SCAPER: variants seen among roughly 807,000 people sequenced by gnomAD.
SCAPER encodes S-phase cyclin A associated protein in the ER.
SCAPER carries 98 observed loss-of-function variants against 182.2 expected under a neutral mutation model. The observed-to-expected ratio is 0.54, with a 90% CI of 0.46 to 0.64. The LOEUF is 0.64. SCAPER is among the 30% of genes least tolerant of loss of function. The pLI is 0.00. For synonymous variants in SCAPER, 605 were observed against 564.6 expected (o/e 1.07, Z -1.01); for missense variants, 1,432 against 1,690.0 (o/e 0.85, Z 2.68).
chr15:76,856,822 T>C (rs966106483), intron 4 of SCAPER, among the ~76,000 whole-genome samples: 2 of 152,142 alleles, frequency 1.3e-5, no homozygotes, highest in Admixed American at 6.6e-5. Flanking sequence ...TGAGCTCTGA[T>C]TGTACCACCG....
intron 21 of SCAPER, among the ~76,000 whole-genome samples, chr15:76,664,233 C>G (rs1396520094): frequency 6.6e-6 from 1 of 152,144 alleles, no homozygotes; most frequent in African/African-American, 2.4e-5. Flanking sequence ...AGAAACAAGA[C>G]TAGTCAGAAG....
chr15:76,509,384 T>C (rs1289496919), intron 23 of SCAPER, among the ~76,000 whole-genome samples: 2 of 152,204 alleles, frequency 1.3e-5, no homozygotes, highest in Non-Finnish European at 2.9e-5. Flanking sequence ...TCTAGTTAGG[T>C]TCTCATGGTA....
chr15:76,620,811 C>A (rs961775561), intron 22 of SCAPER, among the ~76,000 whole-genome samples: 1 of 151,846 alleles, frequency 6.6e-6, no homozygotes, highest in Non-Finnish European at 1.5e-5. Flanking sequence ...AAGGAGAACA[C>A]ATAAACTTAG....
chr15:76,726,155 A>ATATATATATATATATATATATATATAT lies in SCAPER; in HGVS notation c.2165+2439_2165+2440insATATATATATATATATATATATATATA, dbSNP rs1491513286. On this transcript the variant is annotated intron_variant, in intron 17 of 31. Transcript: ENST00000563290. ...TATATATATATATATATATATATAT[A>ATATATATATATATATATATATATATAT]AAAAACTCTATAACCCAACAAGAAA... is the stretch of plus-strand genomic sequence containing the variant. 1.3e-4 allele frequency among the ~76,000 whole-genome samples: 13 copies of ATATATATATATATATATATATATATAT among 97,334 alleles called. 3 individuals are homozygous for ATATATATATATATATATATATATATAT. The highest frequency in any genetic ancestry group is 3.6e-4 in the Admixed American group (3 of 8,318). The allele number at this position is 97,334 out of a possible 152,430, so 63.9% of individuals were successfully genotyped here. A position where few individuals can be genotyped will look rare whatever the true frequency, so the allele number is the denominator to read the frequency against.
At chr15:76,541,407 T>C (rs1248476111) in intron 23 of SCAPER, among the ~76,000 whole-genome samples, 2 of 152,302 alleles carry the variant, frequency 1.3e-5, no homozygotes, top group South Asian at 4.1e-4. Flanking sequence ...GAGACTTGTA[T>C]GGATTTGCTT....
At chr15:76,747,042 T>C (rs1471286929) in intron 15 of SCAPER, among the ~76,000 whole-genome samples, 1 of 152,172 alleles carries the variant, frequency 6.6e-6, no homozygotes, top group African/African-American at 2.4e-5. Context: ...GTACACTACA[T>C]TGGTACATCA....
intron 5 of SCAPER, among the ~76,000 whole-genome samples, chr15:76,826,904 T>C (rs1363764119): frequency 6.6e-6 from 1 of 152,226 alleles, no homozygotes; most frequent in Non-Finnish European, 1.5e-5. Context: ...TAAGATAAAA[T>C]GGCTAGATTA....
chr15:76,876,254 G>T (rs1181600386), intron 2 of SCAPER, among the ~76,000 whole-genome samples: 4 of 152,062 alleles, frequency 2.6e-5, no homozygotes, highest in African/African-American at 9.7e-5. Context: ...CCCAGAGAGG[G>T]GCCCCCACAG....
intron 1 of SCAPER, among the ~76,000 whole-genome samples, chr15:76,890,821 G>GCATCATCCTGATACCAGCAGGATGAT (rs2074122731): frequency 1.3e-5 from 2 of 152,236 alleles, no homozygotes; most frequent in Admixed American, 1.3e-4. Flanking sequence ...CATTTTATGA[G>GCATCATCCTGATACCAGCAGGATGAT]GCCAGCATCA....
At chr15:76,865,382 T>G (rs913494935) in intron 2 of SCAPER, among the ~76,000 whole-genome samples, 6 of 152,044 alleles carry the variant, frequency 3.9e-5, no homozygotes, top group Non-Finnish European at 7.4e-5. Flanking sequence ...TATAATAAAC[T>G]CTAATAAATT....
chr15:76,848,666 G>A (rs940430007), intron 4 of SCAPER, among the ~76,000 whole-genome samples: 5 of 152,050 alleles, frequency 3.3e-5, no homozygotes, highest in South Asian at 2.1e-4. Flanking sequence ...TGAGATAATC[G>A]TTTATTATAT....
Position 76,665,780 on chromosome 15 carries a change from A to G in SCAPER, c.2518T>C (p.Ser840Pro). The G allele has an allele frequency of 6.6e-7, 1 of 1,518,760 alleles. No homozygotes were observed. Among genetic ancestry groups the G allele is most frequent in the South Asian group, 1.3e-5 (1 of 76,134 alleles). The allele number at this position is 1,518,760 out of a possible 1,614,324, so 94.1% of individuals were successfully genotyped here. ...ATGTCAATAATGTACTTCTTCAAGG[A>G]AAGATGCTCCTGCAAGATAAATAAA... ...ELSDEEVEHL[S>P]LKKYIIDIVV... is the part of the protein sequence containing the mutation. Residue 840 changes from serine (S) to proline (P), a missense_variant, in exon 21 of 32, where the codon TCC (serine) becomes CCC (proline). Coordinates refer to ENST00000563290, the MANE Select transcript of SCAPER (RefSeq NM_020843.4).
At chr15:76,424,942 G>C (rs949640856) in intron 26 of SCAPER, among the ~76,000 whole-genome samples, 3 of 152,082 alleles carry the variant, frequency 2.0e-5, no homozygotes, top group Non-Finnish European at 4.4e-5. Context: ...GTTGAATATT[G>C]GCCCCCATTC....
intron 8 of SCAPER, among the ~76,000 whole-genome samples, chr15:76,792,652 C>T (rs773763672): frequency 3.3e-5 from 5 of 152,192 alleles, no homozygotes; most frequent in Non-Finnish European, 7.3e-5. Context: ...GGAAATATCA[C>T]TGAATAATGA....
intron 5 of SCAPER, among the ~76,000 whole-genome samples, chr15:76,815,865 C>T (rs951334901): frequency 6.6e-6 from 1 of 152,240 alleles, no homozygotes; most frequent in Admixed American, 6.5e-5. Context: ...GTCCCTGGTG[C>T]CAAAAAGGTT....
At chr15:76,579,827 A>G (rs1024275772) in intron 22 of SCAPER, among the ~76,000 whole-genome samples, 2 of 152,184 alleles carry the variant, frequency 1.3e-5, no homozygotes, top group African/African-American at 4.8e-5. Flanking sequence ...GGGATGGAAA[A>G]AGATATTACA....
intron 1 of SCAPER, among the ~76,000 whole-genome samples, chr15:76,886,660 C>T (rs1026822239): frequency 2.6e-5 from 4 of 152,116 alleles, no homozygotes; most frequent in South Asian, 2.1e-4. Context: ...GGTATATACC[C>T]AAGGGAACAT....
Position 76,661,543 on chromosome 15 carries a change from G to C in SCAPER, c.2645+4110C>G, listed in dbSNP as rs183713976. On this transcript the variant is annotated intron_variant, in intron 21 of 31. Coordinates refer to ENST00000563290, the MANE Select transcript of SCAPER (RefSeq NM_020843.4). ...GGACATGAACAGACACTTCTCAAAAGAAGATATTTATGCGGCCAGCAAACA... is the reference window on the plus strand; with the variant it reads ...GGACATGAACAGACACTTCTCAAAACAAGATATTTATGCGGCCAGCAAACA... Among the ~76,000 whole-genome samples the C allele has an allele frequency of 4.5e-4, 69 of 152,180 alleles. No individual in the cohort carries two copies. The East Asian group carries it at 0.013, about 28-fold the overall frequency.
chr15:76,443,584 A>G (rs1458557517), intron 25 of SCAPER, among the ~76,000 whole-genome samples: 1 of 152,246 alleles, frequency 6.6e-6, no homozygotes, highest in Non-Finnish European at 1.5e-5. Flanking sequence ...TTACAAGGAA[A>G]GAATTCATTT....
Sources: allele counts gnomAD v4.1 joint callset (sites outside exome capture counted in the v4.1 genomes callset), GRCh38; gene constraint gnomAD v4.1.1; transcripts MANE v1.5; gene names NCBI Gene and HGNC (gene_info 2026-07-23, HGNC 2026-07-21).